FAM3C: variants seen among roughly 807,000 people sequenced by gnomAD.
FAM3C encodes protein FAM3C.
Under a neutral mutation model 32.5 loss-of-function variants are expected in FAM3C, and 15 were observed. That is an observed-to-expected ratio of 0.46 (90% CI 0.31 to 0.71). FAM3C has a LOEUF of 0.71. Ranked by LOEUF, FAM3C falls within the 30% of genes least tolerant of loss-of-function variation. FAM3C has a pLI of 0.05. For synonymous variants in FAM3C, 75 were observed against 86.1 expected (o/e 0.87, Z 0.72); for missense variants, 175 against 274.4 (o/e 0.64, Z 2.56).
Position 121,349,501 on chromosome 7 carries a change from T to C in FAM3C, c.*960A>G, listed in dbSNP as rs1157380634. The C allele has an allele frequency of 6.6e-6, 1 of 152,218 alleles. No homozygotes were observed. Among genetic ancestry groups the C allele is most frequent in the Non-Finnish European group, 1.5e-5 (1 of 68,040 alleles). 9.4% of individuals were successfully genotyped at this position (152,218 alleles called of 1,614,324 possible). A position where few individuals can be genotyped will look rare whatever the true frequency, so the allele number is the denominator to read the frequency against. ...AAGAACTTTTGTAAATATGCCACTA[T>C]AGCTTCGGGCAATAATTGCTATTAT... On this transcript the variant is annotated 3_prime_UTR_variant, in exon 10 of 10. Coordinates refer to ENST00000359943, the MANE Select transcript of FAM3C (RefSeq NM_014888.3).
intron 5 of FAM3C, among the ~76,000 whole-genome samples, chr7:121,365,037 C>A (rs1382534649): frequency 1.3e-5 from 2 of 152,154 alleles, no homozygotes; most frequent in African/African-American, 4.8e-5. Flanking sequence ...CGTGCACACA[C>A]TTGTCCTTAT....
At chr7:121,383,228 T>C (rs367727117) in intron 1 of FAM3C, among the ~76,000 whole-genome samples, 1 of 152,116 alleles carries the variant, frequency 6.6e-6, no homozygotes, top group African/African-American at 2.4e-5. Context: ...TTCAGCTAAC[T>C]GAATGACCAA....
intron 5 of FAM3C, among the ~76,000 whole-genome samples, chr7:121,366,079 C>T (rs1353064276): frequency 6.6e-6 from 1 of 152,082 alleles, no homozygotes. Flanking sequence ...GAAATTGGAA[C>T]CTTCATACAC....
intron 4 of FAM3C, 85 bp downstream of exon 4, chr7:121,372,025 C>T: frequency 2.1e-6 from 2 of 954,068 alleles, no homozygotes; most frequent in Non-Finnish European, 3.1e-6. Flanking sequence ...TTTCCTCATA[C>T]TGAACTACTG....
intron 8 of FAM3C, chr7:121,351,496 T>C: frequency 4.7e-6 from 2 of 429,314 alleles, no homozygotes; most frequent in East Asian, 7.1e-5. Context: ...TAAAAGGACC[T>C]GTTAGGTTTT....
At chr7:121,395,271 ATACATACATATATATGG>A (rs1794663236) in intron 1 of FAM3C, among the ~76,000 whole-genome samples, 1 of 139,338 alleles carries the variant, frequency 7.2e-6, no homozygotes, top group African/African-American at 3.4e-5. Context: ...ATATATATGG[ATACATACATATATATGG>A]ATACATACAT....
chr7:121,364,303 G>C (rs1793982251), intron 5 of FAM3C, 115 bp from the exon 6 acceptor site: 3 of 675,074 alleles, frequency 4.4e-6, no homozygotes, highest in Non-Finnish European at 7.8e-6. Flanking sequence ...CAATTGTTCA[G>C]TGCTGCGGAG....
intron 1 of FAM3C, among the ~76,000 whole-genome samples, chr7:121,395,951 C>T (rs1794685454): frequency 6.6e-6 from 1 of 151,630 alleles, no homozygotes; most frequent in Non-Finnish European, 1.5e-5. Flanking sequence ...CCGGGAACCC[C>T]GGCCAGCGGC....
intron 1 of FAM3C, among the ~76,000 whole-genome samples, chr7:121,383,837 A>G (rs952957955): frequency 2.8e-4 from 42 of 152,332 alleles, no homozygotes; most frequent in African/African-American, 9.9e-4. Context: ...GAGAGCTTCC[A>G]CAGTCAACTC....
intron 8 of FAM3C, among the ~76,000 whole-genome samples, chr7:121,354,720 C>T (rs555790091): frequency 6.6e-6 from 1 of 152,210 alleles, no homozygotes; most frequent in East Asian, 1.9e-4. Context: ...GAAATGCTAA[C>T]TATATAAGGC....
intron 5 of FAM3C, among the ~76,000 whole-genome samples, chr7:121,369,866 TA>T (rs763252230): frequency 6.6e-6 from 1 of 152,148 alleles, no homozygotes; most frequent in Non-Finnish European, 1.5e-5. Context: ...AGGATGTGGG[TA>T]AACAGTTGAG....
rs75376353 is a variant in FAM3C, at chr7:121,372,162, G to C, written c.119-23C>G. 41 of 1,577,952 alleles carry C rather than the reference G, an allele frequency of 2.6e-5. No individual in the cohort carries two copies. The African/African-American group carries it at 4.6e-4, about 18-fold the overall frequency. ...TTGCTGAAAAAAAAAAATTACTTTT[G>C]TTAGAAGGAATGAGTCTATTGGCAA... On this transcript the variant is annotated intron_variant, in intron 3 of 9. Transcript: ENST00000359943.
intron 4 of FAM3C, 88 bp from the exon 5 acceptor site, chr7:121,371,511 G>T: frequency 1.5e-6 from 2 of 1,365,406 alleles, no homozygotes; most frequent in Non-Finnish European, 2.0e-6. Context: ...ACCACAAAGA[G>T]CATTAAGAAA....
intron 8 of FAM3C, among the ~76,000 whole-genome samples, chr7:121,358,692 G>C (rs1793862455): frequency 6.6e-6 from 1 of 151,978 alleles, no homozygotes; most frequent in Non-Finnish European, 1.5e-5. Flanking sequence ...CATGACAACA[G>C]TGAAATCACT....
At chr7:121,374,661 C>T (rs904065229) in intron 3 of FAM3C, among the ~76,000 whole-genome samples, 1 of 152,284 alleles carries the variant, frequency 6.6e-6, no homozygotes, top group East Asian at 1.9e-4. Context: ...TAAAACCACA[C>T]AATTAAATTT....
intron 3 of FAM3C, 56 bp downstream of exon 3, chr7:121,378,854 A>G (rs2116936758): frequency 1.1e-6 from 1 of 894,502 alleles, no homozygotes; most frequent in Admixed American, 2.5e-5. Flanking sequence ...GATAACTGAT[A>G]AAACTTTAGG....
chr7:121,350,730 C>T (rs1793687009), intron 9 of FAM3C, among the ~76,000 whole-genome samples, 180 bp from the exon 10 acceptor site: 1 of 152,184 alleles, frequency 6.6e-6, no homozygotes, highest in South Asian at 2.1e-4. Context: ...GGCAGACCTT[C>T]AAATAACAGC....
At chr7:121,379,578 C>T (rs939117253) in intron 2 of FAM3C, among the ~76,000 whole-genome samples, 2 of 152,074 alleles carry the variant, frequency 1.3e-5, no homozygotes, top group Admixed American at 6.5e-5. Context: ...ACCTTAGTAC[C>T]TTAAGACAGG....
Position 121,351,226 on chromosome 7 carries a change from T to C in FAM3C, c.511A>G (p.Thr171Ala). Residue 171 changes from threonine to alanine, a missense_variant, in exon 9 of 10, where the codon ACA becomes GCA. Transcript: ENST00000359943. Reference sequence around the variant, plus strand: ...CTAAAACCAAGATTAGTAATAGATGTGCTCCCCAAATCAGCAATGAGCCGC... The same window carrying C: ...CTAAAACCAAGATTAGTAATAGATGCGCTCCCCAAATCAGCAATGAGCCGC... ...ARRLIADLGSTSITNLGFRDN... is the reference protein window; with the variant it reads ...ARRLIADLGSASITNLGFRDN... The C allele has an allele frequency of 6.2e-7, 1 of 1,613,606 alleles. No homozygotes were observed. The highest frequency in any genetic ancestry group is 1.1e-5 in the South Asian group (1 of 91,066).
Sources: gnomAD v4.1 joint callset for allele counts (sites outside exome capture counted in the v4.1 genomes callset) on GRCh38, gnomAD v4.1.1 for gene constraint, MANE v1.5 for transcripts, NCBI Gene and HGNC (gene_info 2026-07-23, HGNC 2026-07-21) for gene names.